Variants in FES observed in about 807,000 individuals in gnomAD.
FES encodes tyrosine-protein kinase Fes/Fps.
FES carries 83 observed loss-of-function variants against 109.6 expected under a neutral mutation model. That is an observed-to-expected ratio of 0.76 (90% CI 0.63 to 0.91). FES has a LOEUF of 0.91. FES is among the 40% of genes least tolerant of loss of function. The probability of loss-of-function intolerance (pLI) is 0.00; values close to 1 mark genes in which losing one functional copy is unlikely to be tolerated. For missense variants in FES, 943 were observed against 1,070.9 expected, an observed-to-expected ratio of 0.88 and a Z score of 1.67; for synonymous variants, 458 against 442.1, an observed-to-expected ratio of 1.04 and a Z score of -0.45.
rs551324679 is a variant in FES at position 90,889,599 on chromosome 15, C to T, written c.889C>T (p.Gln297Ter). The T allele has an allele frequency of 1.4e-5, 22 of 1,613,636 alleles. No individual in the cohort carries two copies. The highest frequency in any genetic ancestry group is 8.3e-5 in the Admixed American group (5 of 60,022). The change falls in exon 7 of 19, where the codon CAG becomes TAG. Residue 297 changes from glutamine to a stop codon, truncating the protein, a stop_gained. Coordinates refer to ENST00000328850, the MANE Select transcript of FES (RefSeq NM_002005.4). LOFTEE classifies it high-confidence loss of function. This position sits in a 1 kb window ranked among gnomAD's most constrained non-coding sequence, Gnocchi z 6.1. ...EGEPLEPGELQLNELTVESVQ... is the reference protein window; with the variant it reads ...EGEPLEPGEL Reference sequence around the variant, plus strand: ...TGAACCGCTGGAGCCTGGGGAGCTCCAGCTGAACGAGCTGACTGTGGAGAG... The same window carrying T: ...TGAACCGCTGGAGCCTGGGGAGCTCTAGCTGAACGAGCTGACTGTGGAGAG...
chr15:90,884,699 G>A (rs1329428279), intron 1 of FES, 155 bp downstream of exon 1: 2 of 200,522 alleles, frequency 1.0e-5, no homozygotes, highest in African/African-American at 4.7e-5. Flanking sequence ...CAGGCTGTGG[G>A]CGCCTGAGGC....
Position 90,887,023 on chromosome 15 carries a change from C to G in FES, c.450C>G (p.Ala150=). ...SQYRALARDS[A]QAKRKYQEAS... ...ACCGAGCTCTGGCACGGGACAGTGC[C>G]CAAGCCAAGCGCAAGTACCAGGAGG... is the stretch of plus-strand genomic sequence containing the variant. Residue 150 remains alanine (A), a synonymous_variant, in exon 4 of 19, where the codon GCC becomes GCG. Transcript: ENST00000328850. 6.2e-7 allele frequency: 1 copy of G among 1,614,158 alleles called. No individual in the cohort carries two copies. The highest frequency in any genetic ancestry group is 8.5e-7 in the Non-Finnish European group (1 of 1,180,034).
chr15:90,892,978 C>A, intron 14 of FES, 122 bp from the exon 15 acceptor site: 1 of 1,332,300 alleles, frequency 7.5e-7, no homozygotes, highest in South Asian at 1.2e-5. Flanking sequence ...AGGGTAGAGG[C>A]TGCCCCAGGT....
Position 90,889,398 on chromosome 15 carries a change from G to A in FES, c.761G>A (p.Arg254His), listed in dbSNP as rs145351114. The change falls in exon 6 of 19, where the codon CGC (arginine) becomes CAC (histidine). Residue 254 changes from arginine to histidine, a missense_variant. Transcript: ENST00000328850. The surrounding 1 kb of genome is among the most constrained non-coding windows in gnomAD (Gnocchi z 6.1). ...CGGGAGATGGCTGCAGCTGCTGCCC[G>A]CATCCAGCCTGAGGCTGAGTACCAA... The part of the protein sequence containing the change: ...IHREMAAAAA[R>H]IQPEAEYQGF... The A allele has an allele frequency of 3.0e-5, 49 of 1,614,030 alleles. No individual in the cohort carries two copies. Among genetic ancestry groups the A allele is most frequent in the South Asian group, 1.1e-4 (10 of 91,080 alleles).
Position 90,890,294 on chromosome 15 carries a change from C to A in FES, c.1236+16C>A. 1 of 1,586,836 alleles carries A rather than the reference C, an allele frequency of 6.3e-7. No homozygotes were observed. Among genetic ancestry groups the A allele is most frequent in the Non-Finnish European group, 8.6e-7 (1 of 1,168,562 alleles). On this transcript the variant is annotated intron_variant, in intron 9 of 18. Coordinates refer to ENST00000328850, the MANE Select transcript of FES (RefSeq NM_002005.4). ...GTCGTCCTCGGTGAGCTGCCCCATCCGCGGCCGCTGCCCGCCACCGGCCTG... is the reference window on the plus strand; with the variant it reads ...GTCGTCCTCGGTGAGCTGCCCCATCAGCGGCCGCTGCCCGCCACCGGCCTG...
intron 13 of FES, 62 bp from the exon 14 acceptor site, chr15:90,892,645 G>A (rs1233911248): frequency 3.4e-6 from 5 of 1,491,112 alleles, no homozygotes; most frequent in Non-Finnish European, 4.6e-6. Flanking sequence ...AGAATGGGTA[G>A]GAAGCGGAGA....
At chr15:90,892,856 C>T (rs950940427) in intron 14 of FES, 31 bp downstream of exon 14, 1 of 1,593,662 alleles carries the variant, frequency 6.3e-7, no homozygotes, top group East Asian at 2.2e-5. Context: ...CACCACGGGT[C>T]CCGCATACAC....
At chr15:90,886,849 T>A in intron 3 of FES, 112 bp from the exon 4 acceptor site, 2 of 912,152 alleles carry the variant, frequency 2.2e-6, no homozygotes, top group Non-Finnish European at 3.5e-6. Context: ...TTCCCAGAAG[T>A]CTCCAGGTGC....
intron 18 of FES, among the ~76,000 whole-genome samples, chr15:90,894,292 A>C (rs986530260): frequency 6.6e-6 from 1 of 152,122 alleles, no homozygotes; most frequent in Non-Finnish European, 1.5e-5. Context: ...TGTACAAAAA[A>C]TACAAAAATA....
chr15:90,892,793 T>A lies in FES; in HGVS notation c.1794T>A (p.Pro598=), dbSNP rs2033351143. ...AVKSCRETLP[P]DLKAKFLQEA... is the part of the protein sequence containing the mutation. ...AGTCTTGTCGAGAGACGCTCCCACC[T>A]GACCTCAAGGCCAAGTTTCTACAGG... Residue 598 remains proline, a synonymous_variant, in exon 14 of 19, where the codon CCT becomes CCA. Transcript: ENST00000328850. The A allele has an allele frequency of 2.5e-6, 4 of 1,613,672 alleles. No homozygotes were observed. The highest frequency in any genetic ancestry group is 3.4e-6 in the Non-Finnish European group (4 of 1,179,936).
At chr15:90,891,460 G>C in intron 11 of FES, 94 bp from the exon 12 acceptor site, 1 of 1,556,214 alleles carries the variant, frequency 6.4e-7, no homozygotes, top group Non-Finnish European at 8.8e-7. Context: ...GTCCTGGGCA[G>C]GCCCTTTCTC....
In FES at chr15:90,892,067, G is replaced by T; in HGVS notation, c.1663G>T (p.Val555Leu). The change falls in exon 13 of 19, where the codon GTG becomes TTG. Residue 555 changes from valine to leucine, a missense_variant. Transcript: ENST00000328850. ...LHRAVPKDKW[V>L]LNHEDLVLGE... ...CTCCTCTCTTCCCCAGGACAAGTGG[G>T]TGCTGAACCATGAGGACCTGGTGTT... is the stretch of plus-strand genomic sequence containing the variant. 1 of 1,614,138 alleles carries T rather than the reference G, an allele frequency of 6.2e-7. No homozygotes were observed. The highest frequency in any genetic ancestry group is 1.1e-5 in the South Asian group (1 of 91,088).
chr15:90,895,520 T>C lies in FES; in HGVS notation c.2431T>C (p.Tyr811His). Residue 811 changes from tyrosine to histidine, a missense_variant, in exon 19 of 19, where the codon TAC becomes CAC. By Grantham distance (83) the Tyr-to-His change is moderately conservative. Transcript: ENST00000328850. ...GCAGCGGCCCAGCTTCAGCACCATCTACCAGGAGCTGCAGAGCATCCGAAA... is the reference window on the plus strand; with the variant it reads ...GCAGCGGCCCAGCTTCAGCACCATCCACCAGGAGCTGCAGAGCATCCGAAA... Reference protein sequence around the residue: ...PGQRPSFSTIYQELQSIRKRH... With the variant: ...PGQRPSFSTIHQELQSIRKRH... 1.3e-6 allele frequency: 2 copies of C among 1,598,892 alleles called. No homozygotes were observed. Among genetic ancestry groups the C allele is most frequent in the Non-Finnish European group, 1.7e-6 (2 of 1,171,906 alleles).
intron 18 of FES, among the ~76,000 whole-genome samples, chr15:90,894,908 A>AT (rs2151273885): frequency 6.6e-6 from 1 of 152,246 alleles, no homozygotes; most frequent in Admixed American, 6.5e-5. Context: ...TCTACTAAAA[A>AT]TACAAAAAAT....
At chr15:90,888,186 A>G (rs1187528262) in intron 5 of FES, among the ~76,000 whole-genome samples, 1 of 151,990 alleles carries the variant, frequency 6.6e-6, no homozygotes, top group East Asian at 1.9e-4. Context: ...GCTTACTGCA[A>G]CCTCCGCCTC....
chr15:90,894,169 A>C, intron 18 of FES, 111 bp downstream of exon 18: 1 of 1,318,400 alleles, frequency 7.6e-7, no homozygotes, highest in Non-Finnish European at 1.0e-6. Context: ...GAATAAGAAT[A>C]ACCTGGCCAG....
chr15:90,888,022 A>G (rs2032827045), intron 5 of FES, among the ~76,000 whole-genome samples: 1 of 152,194 alleles, frequency 6.6e-6, no homozygotes, highest in African/African-American at 2.4e-5. Flanking sequence ...ACTGGGTGAT[A>G]GAGGGTCTAG....
At position 90,895,440 on chromosome 15, in the gene FES, T is replaced by C. The variant is rs750648302; in HGVS notation, c.2351T>C (p.Leu784Pro). The C allele has an allele frequency of 3.8e-6, 6 of 1,580,778 alleles. No homozygotes were observed. The African/African-American group carries it at 6.8e-5, about 18-fold the overall frequency. The change falls in exon 19 of 19, where the codon CTG (leucine) becomes CCG (proline). Residue 784 changes from leucine (L) to proline (P), a missense_variant. By Grantham distance (98) the Leu-to-Pro change is moderately conservative (BLOSUM62 -3). Coordinates refer to ENST00000328850, the MANE Select transcript of FES (RefSeq NM_002005.4). ...GGGGGCCGTCTGCCCTGCCCAGAGC[T>C]GTGTCCTGATGCCGTGTTCAGGCTC... ...EKGGRLPCPE[L>P]CPDAVFRLME...
At position 90,887,228 on chromosome 15, in the gene FES, C is replaced by G; in HGVS notation, c.526C>G (p.Leu176Val). The G allele has an allele frequency of 6.2e-7, 1 of 1,613,624 alleles. No homozygotes were observed. Residue 176 changes from leucine (L) to valine (V), a missense_variant, in exon 5 of 19, where the codon CTG becomes GTG. Physicochemically the swap from Leu to Val is conservative, Grantham distance 32. Coordinates refer to ENST00000328850, the MANE Select transcript of FES (RefSeq NM_002005.4). ...GGCTAAGGACAAGTATGTGCGCAGC[C>G]TGTGGAAGCTCTTTGCTCACCACAA... The part of the protein sequence containing the change: ...DKAKDKYVRS[L>V]WKLFAHHNRY...
Sources: gnomAD v4.1 joint callset for allele counts (sites outside exome capture counted in the v4.1 genomes callset) on GRCh38, gnomAD v4.1.1 for gene constraint, Gnocchi (gnomAD v3.1) non-coding constraint, MANE v1.5 for transcripts, NCBI Gene and HGNC (gene_info 2026-07-23, HGNC 2026-07-21) for gene names.